Variants in NIPSNAP1 observed in about 807,000 individuals in gnomAD.
NIPSNAP1 encodes nipsnap homolog 1.
A neutral mutation model predicts 49.2 loss-of-function variants in NIPSNAP1; 25 were observed. The ratio of observed to expected loss-of-function variants is 0.51; its 90% CI spans 0.37 to 0.71. NIPSNAP1 has a LOEUF of 0.71. Among genes scored for constraint, NIPSNAP1 ranks in the 30% least tolerant of loss-of-function variants. The pLI is 0.00. For synonymous variants in NIPSNAP1, 143 were observed against 140.7 expected, an observed-to-expected ratio of 1.02 and a Z score of -0.12; for missense variants, 294 against 361.0, an observed-to-expected ratio of 0.81 and a Z score of 1.50.
chr22:29,567,021 C>T (rs1240279219), intron 4 of NIPSNAP1, among the ~76,000 whole-genome samples: 1 of 152,154 alleles, frequency 6.6e-6, no homozygotes, highest in Non-Finnish European at 1.5e-5. Flanking sequence ...ACTCAGGAGG[C>T]TGAGGCAGGA....
chr22:29,556,138 G>A lies in NIPSNAP1; in HGVS notation c.791-139C>T, dbSNP rs888059046. Reference sequence around the variant, plus strand: ...GCGACAGGAATGTCCCATTGCCCTCGTGGAAGGGCCCATGAAGAGCACCAG... The same window carrying A: ...GCGACAGGAATGTCCCATTGCCCTCATGGAAGGGCCCATGAAGAGCACCAG... On this transcript the variant is annotated intron_variant, in intron 9 of 9. Coordinates refer to ENST00000216121, the MANE Select transcript of NIPSNAP1 (RefSeq NM_003634.4). 6 of 693,582 alleles carry A rather than the reference G, an allele frequency of 8.7e-6. No homozygotes were observed. The African/African-American group carries it at 8.8e-5, about 10-fold the overall frequency. 43.0% of individuals were successfully genotyped at this position (693,582 alleles called of 1,614,324 possible).
At chr22:29,564,356 C>T in intron 4 of NIPSNAP1, 1 of 471,002 alleles carries the variant, frequency 2.1e-6, no homozygotes, top group Non-Finnish European at 4.4e-6. Flanking sequence ...AGAAATCTAC[C>T]AAAACCAGGA....
Position 29,578,745 on chromosome 22 carries a change from C to T in NIPSNAP1, c.98+2240G>A. On this transcript the variant is annotated intron_variant, in intron 1 of 9. Coordinates refer to ENST00000216121, the MANE Select transcript of NIPSNAP1 (RefSeq NM_003634.4). ...CGAAAACACCAACATCCCCACTTTA[C>T]AGAAAAGGAAACTGAGGCTGACGGA... 1.3e-5 allele frequency among the ~76,000 whole-genome samples: 2 copies of T among 151,332 alleles called. 1 individual carries two copies. The highest frequency in any genetic ancestry group is 4.9e-5 in the African/African-American group (2 of 40,656).
intron 9 of NIPSNAP1, among the ~76,000 whole-genome samples, 161 bp downstream of exon 9, chr22:29,558,709 T>A (rs978297521): frequency 6.6e-6 from 1 of 152,086 alleles, no homozygotes; most frequent in South Asian, 2.1e-4. Context: ...CCTGCTGGTA[T>A]CCTATGGAGT....
intron 3 of NIPSNAP1, 42 bp from the exon 4 acceptor site, chr22:29,569,329 C>T (rs1367815255): frequency 2.0e-6 from 3 of 1,463,560 alleles, no homozygotes; most frequent in East Asian, 2.3e-5. Context: ...CACATAGCCA[C>T]CAGGGCCTCT....
chr22:29,573,692 C>T (rs1376344678), intron 1 of NIPSNAP1, among the ~76,000 whole-genome samples: 1 of 150,690 alleles, frequency 6.6e-6, no homozygotes, highest in African/African-American at 2.4e-5. Context: ...TGCTTGAACC[C>T]AGGAGGTGGA....
intron 8 of NIPSNAP1, among the ~76,000 whole-genome samples, chr22:29,559,307 G>A (rs539621072): frequency 5.9e-5 from 9 of 152,272 alleles, no homozygotes; most frequent in African/African-American, 2.2e-4. Context: ...TTGGGAGGCC[G>A]AGGCTGGTGG....
chr22:29,562,628 T>C (rs2064343347), intron 4 of NIPSNAP1, among the ~76,000 whole-genome samples: 1 of 149,612 alleles, frequency 6.7e-6, no homozygotes, highest in Non-Finnish European at 1.5e-5. Flanking sequence ...GAGGCAGAGG[T>C]GGCGGTGAGC....
intron 7 of NIPSNAP1, 76 bp from the exon 8 acceptor site, chr22:29,560,904 C>G: frequency 7.2e-7 from 1 of 1,388,054 alleles, no homozygotes; most frequent in Middle Eastern, 1.9e-4. Context: ...CTTGGCCACA[C>G]TTCACAGGAG....
chr22:29,574,287 A>AG lies in NIPSNAP1; in HGVS notation c.99-3756_99-3755insC, dbSNP rs1178380517. 5.4e-4 allele frequency among the ~76,000 whole-genome samples: 79 copies of AG among 147,002 alleles called. 3 individuals are homozygous for AG. The highest frequency in any genetic ancestry group is 1.7e-3 in the African/African-American group (68 of 39,076). On this transcript the variant is annotated intron_variant, in intron 1 of 9. Transcript: ENST00000216121. ...AAAAAAAAAAAAAAAAAAAAAAAAA[A>AG]AAAAAGAAAGAAAAAGAAAAGAAAA...
rs530815892 is a variant in NIPSNAP1 at position 29,572,828 on chromosome 22, C to A, written c.99-2296G>T. Among the ~76,000 whole-genome samples, 183 of 140,110 alleles carry A rather than the reference C, an allele frequency of 1.3e-3. 2 individuals carry two copies. The highest frequency in any genetic ancestry group is 4.2e-3 in the African/African-American group (165 of 39,410). The allele number at this position is 140,110 out of a possible 152,430, so 91.9% of individuals were successfully genotyped here. A position where few individuals can be genotyped will look rare whatever the true frequency, so the allele number is the denominator to read the frequency against. ...AAATAAAATAAAATAAAATAAAATA[C>A]AATAATTAGCCGGGTGTGGTGACAC... On this transcript the variant is annotated intron_variant, in intron 1 of 9. Coordinates refer to ENST00000216121, the MANE Select transcript of NIPSNAP1 (RefSeq NM_003634.4).
chr22:29,567,077 G>A (rs934217635), intron 4 of NIPSNAP1, among the ~76,000 whole-genome samples: 1 of 152,106 alleles, frequency 6.6e-6, no homozygotes, highest in Non-Finnish European at 1.5e-5. Flanking sequence ...AGCCAAGATT[G>A]CACCACTGTA....
chr22:29,562,679 G>A (rs1339307283), intron 4 of NIPSNAP1, among the ~76,000 whole-genome samples: 2 of 151,908 alleles, frequency 1.3e-5, no homozygotes, highest in Non-Finnish European at 2.9e-5. Flanking sequence ...CAACAAGAGC[G>A]AAACTCCGTC....
chr22:29,570,048 T>C, intron 3 of NIPSNAP1, 114 bp downstream of exon 3: 1 of 851,590 alleles, frequency 1.2e-6, no homozygotes, highest in Non-Finnish European at 2.0e-6. Flanking sequence ...AAAAGAAATC[T>C]ACATCTCCTG....
At chr22:29,564,974 G>A (rs2064359525) in intron 4 of NIPSNAP1, among the ~76,000 whole-genome samples, 1 of 151,508 alleles carries the variant, frequency 6.6e-6, no homozygotes, top group African/African-American at 2.4e-5. Flanking sequence ...GAGCACTTGA[G>A]CTCAGGAGTC....
At chr22:29,570,111 T>C (rs771625259) in intron 3 of NIPSNAP1, 51 bp downstream of exon 3, 3 of 1,543,154 alleles carry the variant, frequency 1.9e-6, no homozygotes, top group Non-Finnish European at 2.7e-6. Flanking sequence ...TTGCTGAAAG[T>C]GTGTTCCCCA....
In NIPSNAP1 at chr22:29,570,418, G is replaced by A. The variant is rs763920357; in HGVS notation, c.213C>T (p.Leu71=). Residue 71 remains leucine (L), a synonymous_variant, in exon 2 of 10, where the codon CTC becomes CTT. Coordinates refer to ENST00000216121, the MANE Select transcript of NIPSNAP1 (RefSeq NM_003634.4). ...TLLSKKETSN[L]YKIQFHNVKP... Reference sequence around the variant, plus strand: ...GCAGCCACTCACACTGGATCTTATAGAGGTTGCTGGTTTCCTTCTTGGACA... The same window carrying A: ...GCAGCCACTCACACTGGATCTTATAAAGGTTGCTGGTTTCCTTCTTGGACA... 6.2e-7 allele frequency: 1 copy of A among 1,614,116 alleles called. No individual in the cohort carries two copies. Among genetic ancestry groups the A allele is most frequent in the South Asian group, 1.1e-5 (1 of 91,088 alleles).
At chr22:29,570,382 T>C in intron 2 of NIPSNAP1, 23 bp downstream of exon 2, 1 of 1,613,872 alleles carries the variant, frequency 6.2e-7, no homozygotes, top group Non-Finnish European at 8.5e-7. Context: ...GGGCAGAAAT[T>C]GGTCAGCTCA....
At chr22:29,572,302 C>CAAAAAAA (rs695769) in intron 1 of NIPSNAP1, among the ~76,000 whole-genome samples, 1 of 71,098 alleles carries the variant, frequency 1.4e-5, no homozygotes. Context: ...GAATCCATCT[C>CAAAAAAA]AAAAAAAAAA....
Sources: gnomAD v4.1 joint callset for allele counts (sites outside exome capture counted in the v4.1 genomes callset) on GRCh38, gnomAD v4.1.1 for gene constraint, MANE v1.5 for transcripts, NCBI Gene and HGNC (gene_info 2026-07-23, HGNC 2026-07-21) for gene names.